Variants in AGAP1 observed in about 807,000 individuals in gnomAD.
AGAP1 encodes the protein ArfGAP with GTPase domain, ankyrin repeat and PH domain 1, also known as arf-GAP with GTPase, ANK repeat and PH domain-containing protein 1.
A neutral mutation model predicts 105.3 loss-of-function variants in AGAP1; 29 were observed. The observed-to-expected ratio is 0.28, with a 90% CI of 0.21 to 0.38. AGAP1 has a LOEUF of 0.38. Among genes scored for constraint, AGAP1 ranks in the 10% least tolerant of loss-of-function variants. The probability of loss-of-function intolerance (pLI) is 1.00; values close to 1 mark genes in which losing one functional copy is unlikely to be tolerated. For missense variants in AGAP1, 998 were observed against 1,165.1 expected, an observed-to-expected ratio of 0.86 and a Z score of 2.09; for synonymous variants, 509 against 485.9, an observed-to-expected ratio of 1.05 and a Z score of -0.63.
intron 1 of AGAP1, among the ~76,000 whole-genome samples, chr2:235,506,099 T>A (rs1941795567): frequency 6.6e-6 from 1 of 151,744 alleles, no homozygotes; most frequent in Admixed American, 6.6e-5. Flanking sequence ...CCCAACTAAT[T>A]TTTATGTTTT....
Position 235,888,809 on chromosome 2 carries a change from C to T in AGAP1, c.1155+5360C>T, listed in dbSNP as rs988378321. Among the ~76,000 whole-genome samples, 1 of 152,134 alleles carries T rather than the reference C, an allele frequency of 6.6e-6. No homozygotes were observed. Among genetic ancestry groups the T allele is most frequent in the Non-Finnish European group, 1.5e-5 (1 of 68,020 alleles). On this transcript the variant is annotated intron_variant, in intron 10 of 17. Coordinates refer to ENST00000304032, the MANE Select transcript of AGAP1 (RefSeq NM_001037131.3). This position sits in a 1 kb window ranked among gnomAD's most constrained non-coding sequence, Gnocchi z 4.8. The stretch of plus-strand genomic sequence containing the variant: ...TTCCCTGTGGCCACTTCAGCTCCTG[C>T]GTGCTCCCAGCAGTGCCAGCATCCT...
rs188247663 is a variant in AGAP1 at position 235,812,963 on chromosome 2, A to G, written c.1050+5632A>G. 3.3e-5 allele frequency among the ~76,000 whole-genome samples: 5 copies of G among 152,338 alleles called. No homozygotes were observed. The East Asian group carries it at 9.7e-4, about 29-fold the overall frequency. On this transcript the variant is annotated intron_variant, in intron 9 of 17. Transcript: ENST00000304032. ...AAGCTAATTGACCTCACTTGGGTGAACAACTCCCTGAGAGTCTTATATTCA... is the reference window on the plus strand; with the variant it reads ...AAGCTAATTGACCTCACTTGGGTGAGCAACTCCCTGAGAGTCTTATATTCA...
intron 9 of AGAP1, among the ~76,000 whole-genome samples, chr2:235,828,798 C>T (rs58685265): frequency 0.18 from 27,692 of 152,124 alleles, 2,625 homozygotes; most frequent in South Asian, 0.26. Flanking sequence ...GTTGAGGACA[C>T]GCTAAACCAC....
intron 9 of AGAP1, among the ~76,000 whole-genome samples, chr2:235,834,756 A>T (rs1959919785): frequency 6.6e-6 from 1 of 152,184 alleles, no homozygotes; most frequent in Non-Finnish European, 1.5e-5. Flanking sequence ...CCGAAGTTAG[A>T]CAGGCATCCG....
chr2:235,914,584 G>A (rs2051781203), intron 11 of AGAP1, among the ~76,000 whole-genome samples: 2 of 152,212 alleles, frequency 1.3e-5, no homozygotes, highest in Admixed American at 1.3e-4. Flanking sequence ...ACTTTAAAAT[G>A]CTGGAAATGT....
rs376009688 is a variant in AGAP1 at position 235,797,796 on chromosome 2, G to A, written c.711G>A (p.Gln237=). ...QKIVATRKKQ[Q]LSIGPCKSLP... is the part of the protein sequence containing the mutation. ...TTGTTGCCACAAGGAAGAAGCAGCA[G>A]CTGTCCATAGGACCCTGCAAGTCGC... The change falls in exon 7 of 18, where the codon CAG becomes CAA. Residue 237 remains glutamine (Q), a synonymous_variant. Coordinates refer to ENST00000304032, the MANE Select transcript of AGAP1 (RefSeq NM_001037131.3). The A allele has an allele frequency of 3.7e-6, 6 of 1,614,048 alleles. No homozygotes were observed. The African/African-American group carries it at 8.0e-5, about 22-fold the overall frequency.
At chr2:235,637,239 C>T (rs1947033750) in intron 1 of AGAP1, among the ~76,000 whole-genome samples, 1 of 152,068 alleles carries the variant, frequency 6.6e-6, no homozygotes, top group South Asian at 2.1e-4. Context: ...GTGGTAGTGA[C>T]AGTTTGCCCA....
Position 235,774,376 on chromosome 2 carries a change from G to T in AGAP1, c.674-23383G>T, listed in dbSNP as rs532197622. On this transcript the variant is annotated intron_variant, in intron 6 of 17. Coordinates refer to ENST00000304032, the MANE Select transcript of AGAP1 (RefSeq NM_001037131.3). ...GTTCCATGACTCACCCCTGCTTCCA[G>T]TTTTTAAAAAGGGCTGAGTCTGTCG... The T allele has an allele frequency of 1.1e-5, 5 of 470,938 alleles. No homozygotes were observed. The East Asian group carries it at 3.5e-4, about 33-fold the overall frequency. The allele number at this position is 470,938 out of a possible 1,614,324, so 29.2% of individuals were successfully genotyped here.
rs1293608620 is a variant in AGAP1 at position 236,020,118 on chromosome 2, T to C, written c.1646-16443T>C. Among the ~76,000 whole-genome samples, 1 of 152,164 alleles carries C rather than the reference T, an allele frequency of 6.6e-6. No homozygotes were observed. Among genetic ancestry groups the C allele is most frequent in the African/African-American group, 2.4e-5 (1 of 41,398 alleles). On this transcript the variant is annotated intron_variant, in intron 13 of 17. Transcript: ENST00000304032. This position sits in a 1 kb window ranked among gnomAD's most constrained non-coding sequence, Gnocchi z 5.0. ...TCTAACCTTGGGTTCTTGATGTGTC[T>C]TCTCTGTACCTCAGTTTCCCCACCT...
intron 9 of AGAP1, among the ~76,000 whole-genome samples, chr2:235,858,641 TTGTC>T (rs1237077373): frequency 6.6e-6 from 1 of 152,204 alleles, no homozygotes; most frequent in Non-Finnish European, 1.5e-5. Flanking sequence ...GTATGCATGA[TTGTC>T]TGTGATTATT....
Position 235,651,712 on chromosome 2 carries a change from T to C in AGAP1, c.164-57467T>C, listed in dbSNP as rs1003967286. On this transcript the variant is annotated intron_variant, in intron 1 of 17. Coordinates refer to ENST00000304032, the MANE Select transcript of AGAP1 (RefSeq NM_001037131.3). ...AATGATGGTGGGAAGGGAAACCTTT[T>C]TATAAACTTGTTTGGAAATGTGAAT... Among the ~76,000 whole-genome samples the C allele has an allele frequency of 3.3e-5, 5 of 152,310 alleles. 1 individual carries two copies. Among genetic ancestry groups the C allele is most frequent in the Admixed American group, 3.3e-4 (5 of 15,300 alleles).
At position 235,824,009 on chromosome 2, in the gene AGAP1, C is replaced by G. The variant is rs1958940443; in HGVS notation, c.1050+16678C>G. Among the ~76,000 whole-genome samples, 1 of 152,198 alleles carries G rather than the reference C, an allele frequency of 6.6e-6. No individual in the cohort carries two copies. Among genetic ancestry groups the G allele is most frequent in the East Asian group, 1.9e-4 (1 of 5,204 alleles). ...AGATAAGATTCAAACCCAGGTCTGC[C>G]TATCCTAAAACCAGTGGTCTTCACA... On this transcript the variant is annotated intron_variant, in intron 9 of 17. Transcript: ENST00000304032. The surrounding 1 kb of genome is among the most constrained non-coding windows in gnomAD (Gnocchi z 5.2).
At chr2:235,912,826 C>T (rs2051684145) in intron 11 of AGAP1, among the ~76,000 whole-genome samples, 1 of 152,210 alleles carries the variant, frequency 6.6e-6, no homozygotes, top group Admixed American at 6.5e-5. Flanking sequence ...TTATGCTAAT[C>T]TGATGAGCGA....
intron 16 of AGAP1, among the ~76,000 whole-genome samples, chr2:236,086,298 C>T (rs2058927231): frequency 2.0e-5 from 3 of 152,178 alleles, no homozygotes; most frequent in South Asian, 4.1e-4. Context: ...TCTCAGAAGG[C>T]GAGACATAAC....
intron 1 of AGAP1, among the ~76,000 whole-genome samples, chr2:235,583,443 G>A (rs1404757092): frequency 6.6e-6 from 1 of 152,046 alleles, no homozygotes; most frequent in Non-Finnish European, 1.5e-5. Context: ...GAACCTATGC[G>A]GCTGCTTCAG....
At chr2:235,814,686 G>T (rs1230108839) in intron 9 of AGAP1, among the ~76,000 whole-genome samples, 1 of 152,144 alleles carries the variant, frequency 6.6e-6, no homozygotes, top group Non-Finnish European at 1.5e-5. Flanking sequence ...GACAGGAGAG[G>T]GTGAGGGAAG....
chr2:235,750,375 C>T lies in AGAP1; in HGVS notation c.560C>T (p.Pro187Leu), dbSNP rs770319108. 7 of 1,614,058 alleles carry T rather than the reference C, an allele frequency of 4.3e-6. No homozygotes were observed. In the African/African-American group the frequency reaches 8.0e-5, roughly 18 times the overall value. Residue 187 changes from proline to leucine, a missense_variant, in exon 6 of 18, where the codon CCG (proline) becomes CTG (leucine). Coordinates refer to ENST00000304032, the MANE Select transcript of AGAP1 (RefSeq NM_001037131.3). This position sits in a 1 kb window ranked among gnomAD's most constrained non-coding sequence, Gnocchi z 5.3. Reference protein sequence around the residue: ...GTQDAISSANPRVIDDARARK... With the variant: ...GTQDAISSANLRVIDDARARK... Reference sequence around the variant, plus strand: ...CCAGATGCCATAAGTTCTGCTAACCCGAGGGTCATCGATGACGCCAGGGCG... The same window carrying T: ...CCAGATGCCATAAGTTCTGCTAACCTGAGGGTCATCGATGACGCCAGGGCG...
intron 16 of AGAP1, among the ~76,000 whole-genome samples, chr2:236,074,266 G>A (rs1448508561): frequency 1.3e-5 from 2 of 152,150 alleles, no homozygotes; most frequent in Non-Finnish European, 2.9e-5. Context: ...GGCTAAACAA[G>A]AAGACCCCCG....
rs1055027391 is a variant in AGAP1 at position 235,577,584 on chromosome 2, G to T, written c.163+82735G>T. 1.3e-5 allele frequency among the ~76,000 whole-genome samples: 2 copies of T among 152,136 alleles called. No homozygotes were observed. The highest frequency in any genetic ancestry group is 3.9e-4 in the East Asian group (2 of 5,160). On this transcript the variant is annotated intron_variant, in intron 1 of 17. Coordinates refer to ENST00000304032, the MANE Select transcript of AGAP1 (RefSeq NM_001037131.3). This position sits in a 1 kb window ranked among gnomAD's most constrained non-coding sequence, Gnocchi z 4.5. ...GGGAGCTGAGAGTCCCTTGCTGCCC[G>T]GAGCATGGCTGTGTGGCTGCCTGAC...
Sources: gnomAD v4.1 joint callset for allele counts (sites outside exome capture counted in the v4.1 genomes callset) on GRCh38, gnomAD v4.1.1 for gene constraint, Gnocchi (gnomAD v3.1) non-coding constraint, MANE v1.5 for transcripts, NCBI Gene and HGNC (gene_info 2026-07-23, HGNC 2026-07-21) for gene names.